The following MDGA2 variants were observed in gnomAD, a reference collection of about 807,000 sequenced individuals.
MDGA2 encodes MAM domain-containing glycosylphosphatidylinositol anchor protein 2.
In MDGA2, 40 loss-of-function variants were observed where a neutral mutation model predicts 117.8. The observed-to-expected ratio is 0.34, with a 90% CI of 0.26 to 0.44. The LOEUF (loss-of-function observed/expected upper bound fraction) is 0.44. MDGA2 is among the 20% of genes least tolerant of loss of function. MDGA2 has a pLI of 1.00. For missense variants in MDGA2, 1,123 were observed against 1,250.6 expected, an observed-to-expected ratio of 0.90 and a Z score of 1.54; for synonymous variants, 452 against 439.0, an observed-to-expected ratio of 1.03 and a Z score of -0.37.
At chr14:47,046,967 A>G (rs575237105) in intron 7 of MDGA2, among the ~76,000 whole-genome samples, 4 of 152,300 alleles carry the variant, frequency 2.6e-5, no homozygotes, top group African/African-American at 9.6e-5. Context: ...ATATGTTACA[A>G]TTTGTACCCA....
chr14:47,063,366 G>A (rs2138797179), intron 6 of MDGA2, among the ~76,000 whole-genome samples: 1 of 151,800 alleles, frequency 6.6e-6, no homozygotes, highest in South Asian at 2.1e-4. Context: ...AGTTACTCTA[G>A]GGTGAAATTA....
intron 1 of MDGA2, among the ~76,000 whole-genome samples, chr14:47,334,435 G>A (rs893223241): frequency 1.5e-4 from 23 of 151,792 alleles, no homozygotes; most frequent in Non-Finnish European, 3.2e-4. Flanking sequence ...CTACTTGCAC[G>A]ATCACAGGCA....
At chr14:47,038,440 G>A (rs1888937927) in intron 7 of MDGA2, among the ~76,000 whole-genome samples, 1 of 151,950 alleles carries the variant, frequency 6.6e-6, no homozygotes. Context: ...TTTTTTAAAT[G>A]TTATCATGCT....
chr14:47,346,618 A>C (rs1195718189), intron 1 of MDGA2, among the ~76,000 whole-genome samples: 1 of 152,186 alleles, frequency 6.6e-6, no homozygotes, highest in African/African-American at 2.4e-5. Flanking sequence ...GTTTATGAGA[A>C]TACTTTACAT....
At chr14:47,655,675 T>C (rs1897729332) in intron 1 of MDGA2, among the ~76,000 whole-genome samples, 1 of 152,006 alleles carries the variant, frequency 6.6e-6, no homozygotes, top group African/African-American at 2.4e-5. Flanking sequence ...AAAGAACAAA[T>C]TAGCTCACTT....
chr14:47,130,765 G>A (rs549948457), intron 5 of MDGA2, among the ~76,000 whole-genome samples: 2 of 152,158 alleles, frequency 1.3e-5, no homozygotes, highest in South Asian at 4.1e-4. Flanking sequence ...GCTCAACAAG[G>A]TGCAAAAGCT....
rs569461416 is a variant in MDGA2, at chr14:47,038,753, C to T, written c.1526-3449G>A. Among the ~76,000 whole-genome samples, 58 of 151,298 alleles carry T rather than the reference C, an allele frequency of 3.8e-4. No individual in the cohort carries two copies. In the Middle Eastern group the frequency reaches 0.014, roughly 35 times the overall value. On this transcript the variant is annotated intron_variant, in intron 7 of 16. Transcript: ENST00000399232. Reference sequence around the variant, plus strand: ...GAGATCAAGACCATCCTGGTCAACACGGTAAACCCCATCTCTACTAAAAAT... The same window carrying T: ...GAGATCAAGACCATCCTGGTCAACATGGTAAACCCCATCTCTACTAAAAAT...
intron 1 of MDGA2, among the ~76,000 whole-genome samples, chr14:47,525,228 C>T (rs1894947894): frequency 6.6e-6 from 1 of 152,190 alleles, no homozygotes; most frequent in Non-Finnish European, 1.5e-5. Flanking sequence ...GTCTCACTTA[C>T]TCGTTTCTGG....
intron 5 of MDGA2, among the ~76,000 whole-genome samples, chr14:47,100,431 G>A (rs1880237963): frequency 6.6e-6 from 1 of 152,036 alleles, no homozygotes; most frequent in African/African-American, 2.4e-5. Context: ...TACAGCATGT[G>A]TTAATTGAAT....
At chr14:47,521,631 G>C (rs1894869338) in intron 1 of MDGA2, among the ~76,000 whole-genome samples, 1 of 152,038 alleles carries the variant, frequency 6.6e-6, no homozygotes, top group Non-Finnish European at 1.5e-5. Context: ...ATATCTTTAT[G>C]TTATTAAAAA....
chr14:47,441,624 C>T (rs1405218979), intron 1 of MDGA2, among the ~76,000 whole-genome samples: 1 of 152,124 alleles, frequency 6.6e-6, no homozygotes, highest in African/African-American at 2.4e-5. Flanking sequence ...CATATAGACT[C>T]CCTTTCCTCA....
At chr14:47,401,028 A>AT (rs1343820284) in intron 1 of MDGA2, among the ~76,000 whole-genome samples, 1 of 151,340 alleles carries the variant, frequency 6.6e-6, no homozygotes, top group African/African-American at 2.4e-5. Flanking sequence ...AAGTGCTGGG[A>AT]TTACAGGCGT....
At chr14:47,200,999 C>A (rs1403369700) in intron 3 of MDGA2, 1 of 857,044 alleles carries the variant, frequency 1.2e-6, no homozygotes, top group East Asian at 2.4e-5. Flanking sequence ...TCGCAGCATA[C>A]GACCACCACT....
chr14:47,055,891 G>A (rs1889657856), intron 7 of MDGA2, among the ~76,000 whole-genome samples: 1 of 152,058 alleles, frequency 6.6e-6, no homozygotes, highest in African/African-American at 2.4e-5. Flanking sequence ...CGAAATGTTT[G>A]CCAGTCTCTG....
At chr14:47,372,779 C>T (rs1329949146) in intron 1 of MDGA2, among the ~76,000 whole-genome samples, 1 of 151,768 alleles carries the variant, frequency 6.6e-6, no homozygotes, top group Admixed American at 6.6e-5. Context: ...AGCTTTGTAG[C>T]TGCAAAAAAA....
At chr14:47,478,352 T>G in intron 1 of MDGA2, among the ~76,000 whole-genome samples, 1 of 152,274 alleles carries the variant, frequency 6.6e-6, no homozygotes, top group South Asian at 2.1e-4. Flanking sequence ...CATGATATTT[T>G]TATTAAAAAT....
intron 1 of MDGA2, among the ~76,000 whole-genome samples, chr14:47,603,718 G>C (rs1409688309): frequency 6.6e-6 from 1 of 151,774 alleles, no homozygotes; most frequent in East Asian, 1.9e-4. Context: ...ATATGATTTG[G>C]ATGTGTCCCC....
chr14:47,087,296 CCTGAGATCAGGTGTTCG>C (rs1890936408), intron 6 of MDGA2, among the ~76,000 whole-genome samples: 1 of 151,526 alleles, frequency 6.6e-6, no homozygotes, highest in Non-Finnish European at 1.5e-5. Flanking sequence ...AGGTGGATCA[CCTGAGATCAGGTGTTCG>C]AGACCAGCCT....
At chr14:47,019,569 C>A (rs1025969893) in intron 8 of MDGA2, among the ~76,000 whole-genome samples, 3 of 151,886 alleles carry the variant, frequency 2.0e-5, no homozygotes, top group Non-Finnish European at 4.4e-5. Flanking sequence ...GTAGGCCGGG[C>A]GCGGTAGCTC....
Sources: gnomAD v4.1 joint callset for allele counts (sites outside exome capture counted in the v4.1 genomes callset) on GRCh38, gnomAD v4.1.1 for gene constraint, MANE v1.5 for transcripts, NCBI Gene and HGNC (gene_info 2026-07-23, HGNC 2026-07-21) for gene names.